PAK5: variants seen among roughly 807,000 people sequenced by gnomAD.
PAK5 encodes serine/threonine-protein kinase PAK 5.
Under a neutral mutation model 65.9 loss-of-function variants are expected in PAK5, and 16 were observed. The ratio of observed to expected loss-of-function variants is 0.24; its 90% CI spans 0.16 to 0.37. PAK5 has a LOEUF of 0.37. Ranked by LOEUF, PAK5 falls within the 10% of genes least tolerant of loss-of-function variation. The pLI, the probability that PAK5 is intolerant of heterozygous loss-of-function variation, is 1.00. For synonymous variants in PAK5, 371 were observed against 354.9 expected (o/e 1.05, Z -0.51); for missense variants, 785 against 903.9 (o/e 0.87, Z 1.69).
intron 7 of PAK5, among the ~76,000 whole-genome samples, chr20:9,554,045 T>C (rs1346934440): frequency 6.6e-6 from 1 of 152,240 alleles, no homozygotes; most frequent in East Asian, 1.9e-4. Context: ...TAGCTCATTG[T>C]AGTTTTAATG....
chr20:9,761,772 A>T (rs1016720884), intron 1 of PAK5, among the ~76,000 whole-genome samples: 11 of 152,156 alleles, frequency 7.2e-5, no homozygotes, highest in Admixed American at 1.3e-4. Flanking sequence ...TCATCTATAC[A>T]TCTCTTGTAA....
At chr20:9,766,185 A>G (rs1002962121) in intron 1 of PAK5, among the ~76,000 whole-genome samples, 5 of 150,762 alleles carry the variant, frequency 3.3e-5, no homozygotes, top group Non-Finnish European at 5.9e-5. Flanking sequence ...TTGCGCCACT[A>G]TACTCCAGCC....
At chr20:9,648,159 A>G (rs1262070734) in intron 2 of PAK5, among the ~76,000 whole-genome samples, 3 of 152,190 alleles carry the variant, frequency 2.0e-5, no homozygotes, top group Non-Finnish European at 4.4e-5. Context: ...GACTCTGCAT[A>G]CAGTCATACT....
At chr20:9,549,109 A>G (rs1335392587) in intron 7 of PAK5, among the ~76,000 whole-genome samples, 1 of 152,172 alleles carries the variant, frequency 6.6e-6, no homozygotes, top group African/African-American at 2.4e-5. Flanking sequence ...AGGAGTCGAT[A>G]ATGCACAGAA....
chr20:9,566,367 T>C lies in PAK5; in HGVS notation c.1008A>G (p.Ala336=), dbSNP rs376620144. ...ACAGTGGAGGGCTGAGGACCATCTG[T>C]GCTCGATCGTAATCCACCTGGGAAG... ...MCIPKVDYDR[A]QMVLSPPLSG... The change falls in exon 5 of 10, where the codon GCA becomes GCG. Residue 336 remains alanine, a synonymous_variant. Coordinates refer to ENST00000353224, the MANE Select transcript of PAK5 (RefSeq NM_177990.4). The C allele has an allele frequency of 6.2e-7, 1 of 1,613,384 alleles. No homozygotes were observed. Among genetic ancestry groups the C allele is most frequent in the East Asian group, 2.2e-5 (1 of 44,868 alleles).
intron 2 of PAK5, among the ~76,000 whole-genome samples, chr20:9,707,340 A>G (rs6086990): frequency 0.71 from 108,194 of 151,594 alleles, 38,776 homozygotes; most frequent in South Asian, 0.85. Context: ...AAACTCCTGG[A>G]CCCAAGTGAT....
chr20:9,565,450 G>A lies in PAK5; in HGVS notation c.1482+443C>T, dbSNP rs183109839. ...ACTGTTTTAAAAATTGTTTATGGAG[G>A]GTATATTATGATATCATAGTAGTGT... On this transcript the variant is annotated intron_variant, in intron 5 of 9. Transcript: ENST00000353224. Among the ~76,000 whole-genome samples, 882 of 152,042 alleles carry A rather than the reference G, an allele frequency of 5.8e-3. 11 individuals are homozygous for A. The highest frequency in any genetic ancestry group is 5.4e-3 in the Non-Finnish European group (364 of 67,968).
At chr20:9,798,804 C>T (rs1270517135) in intron 1 of PAK5, among the ~76,000 whole-genome samples, 1 of 152,114 alleles carries the variant, frequency 6.6e-6, no homozygotes, top group Non-Finnish European at 1.5e-5. Flanking sequence ...TCTCAAAGCA[C>T]AGTCACTGGA....
chr20:9,705,835 T>C (rs2047999749), intron 2 of PAK5, among the ~76,000 whole-genome samples: 1 of 152,190 alleles, frequency 6.6e-6, no homozygotes, highest in African/African-American at 2.4e-5. Context: ...TAACACAGTG[T>C]AGTATTACTT....
intron 1 of PAK5, among the ~76,000 whole-genome samples, chr20:9,764,637 T>G (rs926499): frequency 0.72 from 109,492 of 152,074 alleles, 39,780 homozygotes; most frequent in East Asian, 0.89. Context: ...CTGGAGATTA[T>G]AGTCCAATAT....
intron 3 of PAK5, among the ~76,000 whole-genome samples, chr20:9,628,535 G>A (rs182242480): frequency 6.6e-6 from 1 of 152,140 alleles, no homozygotes; most frequent in Admixed American, 6.5e-5. Flanking sequence ...TTATACTTCT[G>A]TTATAACATT....
At chr20:9,676,310 G>A (rs1192773501) in intron 2 of PAK5, among the ~76,000 whole-genome samples, 1 of 151,752 alleles carries the variant, frequency 6.6e-6, no homozygotes, top group Admixed American at 6.6e-5. Context: ...ATATCAAACT[G>A]CTTTAGGCAA....
At chr20:9,682,074 C>T (rs773727203) in intron 2 of PAK5, among the ~76,000 whole-genome samples, 3 of 152,100 alleles carry the variant, frequency 2.0e-5, no homozygotes, top group East Asian at 1.9e-4. Flanking sequence ...GCTACTAGGG[C>T]GGGCTGGGCG....
chr20:9,745,087 T>C (rs920764396), intron 1 of PAK5, among the ~76,000 whole-genome samples: 3 of 152,086 alleles, frequency 2.0e-5, no homozygotes, highest in Admixed American at 2.0e-4. Context: ...CCATCCCCAG[T>C]CAAAAGTAAA....
At chr20:9,656,222 T>C (rs1193987979) in intron 2 of PAK5, among the ~76,000 whole-genome samples, 1 of 152,162 alleles carries the variant, frequency 6.6e-6, no homozygotes, top group Admixed American at 6.5e-5. Context: ...ATTTTGATCT[T>C]ATCTGTGCCT....
chr20:9,822,976 A>G (rs933384264), intron 1 of PAK5, among the ~76,000 whole-genome samples: 8 of 152,208 alleles, frequency 5.3e-5, no homozygotes, highest in African/African-American at 1.9e-4. Context: ...GCTATGATTT[A>G]GATGTACATG....
intron 1 of PAK5, among the ~76,000 whole-genome samples, chr20:9,756,567 A>G (rs1005302065): frequency 1.3e-5 from 2 of 152,132 alleles, no homozygotes; most frequent in African/African-American, 4.8e-5. Flanking sequence ...CCAAATCTCA[A>G]AGTTCTGGGA....
At chr20:9,558,647 A>G (rs1473895522) in intron 6 of PAK5, among the ~76,000 whole-genome samples, 2 of 152,076 alleles carry the variant, frequency 1.3e-5, no homozygotes, top group Non-Finnish European at 2.9e-5. Flanking sequence ...TCCCTCTGGG[A>G]CCCACCCTAC....
At chr20:9,734,371 T>C (rs2048366132) in intron 1 of PAK5, among the ~76,000 whole-genome samples, 1 of 151,474 alleles carries the variant, frequency 6.6e-6, no homozygotes, top group South Asian at 2.1e-4. Flanking sequence ...GAGTGGGAAA[T>C]TAAATAAATC....
Sources: gnomAD v4.1 joint callset for allele counts (sites outside exome capture counted in the v4.1 genomes callset) on GRCh38, gnomAD v4.1.1 for gene constraint, MANE v1.5 for transcripts, NCBI Gene and HGNC (gene_info 2026-07-23, HGNC 2026-07-21) for gene names.